Variants in RAB36 observed in about 807,000 individuals in gnomAD.
RAB36 encodes ras-related protein Rab-36.
A neutral mutation model predicts 39.3 loss-of-function variants in RAB36; 33 were observed. That is an observed-to-expected ratio of 0.84 (90% CI 0.64 to 1.12). The LOEUF is 1.12. RAB36 is among the 50% of genes most tolerant of loss of function. The probability of loss-of-function intolerance (pLI) is 0.00; values close to 1 mark genes in which losing one functional copy is unlikely to be tolerated. For synonymous variants in RAB36, 133 were observed against 140.2 expected, an observed-to-expected ratio of 0.95 and a Z score of 0.36; for missense variants, 308 against 355.3, an observed-to-expected ratio of 0.87 and a Z score of 1.07.
At chr22:23,159,537 C>T (rs986666550) in intron 9 of RAB36, among the ~76,000 whole-genome samples, 3 of 152,226 alleles carry the variant, frequency 2.0e-5, no homozygotes, top group South Asian at 2.1e-4. Flanking sequence ...TCTCCATAAC[C>T]GGAGAACCCC....
In RAB36 at chr22:23,161,644, C is replaced by A; in HGVS notation, c.*80C>A. The stretch of plus-strand genomic sequence containing the variant: ...CGTGACTGTGGTGTGGAGACTGGAG[C>A]CCAAGCTCTGCAGCGTGTCGCCCTC... On this transcript the variant is annotated 3_prime_UTR_variant, in exon 11 of 11. Transcript: ENST00000263116. The A allele has an allele frequency of 1.6e-6, 2 of 1,259,206 alleles. No homozygotes were observed. The highest frequency in any genetic ancestry group is 1.3e-5 in the South Asian group (1 of 74,818). 78.0% of individuals were successfully genotyped at this position (1,259,206 alleles called of 1,614,324 possible). A position where few individuals can be genotyped will look rare whatever the true frequency, so the allele number is the denominator to read the frequency against.
In RAB36 at chr22:23,155,948, CT is replaced by C; in HGVS notation, c.330-17del. 1 of 1,601,010 alleles carries C rather than the reference CT, an allele frequency of 6.2e-7. No individual in the cohort carries two copies. The highest frequency in any genetic ancestry group is 8.5e-7 in the Non-Finnish European group (1 of 1,173,738). ...GTGTAGCCTGACACCATTTCCCTTTCTTTCTCACCCACCTCACAGCTGGGAC... is the reference window on the plus strand; with the variant it reads ...GTGTAGCCTGACACCATTTCCCTTTCTTCTCACCCACCTCACAGCTGGGAC... On this transcript the variant is annotated intron_variant, in intron 5 of 10. Coordinates refer to ENST00000263116, the MANE Select transcript of RAB36 (RefSeq NM_004914.5).
At position 23,158,050 on chromosome 22, in the gene RAB36, C is replaced by G. The variant is rs1443279486; in HGVS notation, c.446+7C>G. 1 of 1,614,104 alleles carries G rather than the reference C, an allele frequency of 6.2e-7. No individual in the cohort carries two copies. The highest frequency in any genetic ancestry group is 8.5e-7 in the Non-Finnish European group (1 of 1,179,958). Reference sequence around the variant, plus strand: ...AGACCCTGGAGCATACCAGGTAAGTCTGGGCTCTCTGGCCCCTGCAGTCTC... The same window carrying G: ...AGACCCTGGAGCATACCAGGTAAGTGTGGGCTCTCTGGCCCCTGCAGTCTC... On this transcript the variant is annotated splice_region_variant and intron_variant, in intron 7 of 10. Coordinates refer to ENST00000263116, the MANE Select transcript of RAB36 (RefSeq NM_004914.5).
chr22:23,160,299 C>T (rs889207621), intron 9 of RAB36, among the ~76,000 whole-genome samples: 1 of 152,182 alleles, frequency 6.6e-6, no homozygotes, highest in Non-Finnish European at 1.5e-5. Flanking sequence ...AGTTCACCGA[C>T]AGCTCACTAT....
At chr22:23,152,577 C>A in intron 4 of RAB36, 51 bp downstream of exon 4, 1 of 1,559,710 alleles carries the variant, frequency 6.4e-7, no homozygotes, top group South Asian at 1.1e-5. Context: ...ACCAGGTTGT[C>A]ATACCTTTGC....
rs1261394645 is a variant in RAB36 at position 23,162,403 on chromosome 22, TC to T, written c.*841del. The T allele has an allele frequency of 2.9e-6, 1 of 348,432 alleles. No homozygotes were observed. Among genetic ancestry groups the T allele is most frequent in the East Asian group, 7.5e-5 (1 of 13,276 alleles). The allele number at this position is 348,432 out of a possible 1,614,324, so 21.6% of individuals were successfully genotyped here. A position where few individuals can be genotyped will look rare whatever the true frequency, so the allele number is the denominator to read the frequency against. ...GCAGCCCTTGAACATGGCACTGCCC[TC>T]CTCTGGCACTCATGCTGGGCCTGTG... On this transcript the variant is annotated 3_prime_UTR_variant, in exon 11 of 11. Coordinates refer to ENST00000263116, the MANE Select transcript of RAB36 (RefSeq NM_004914.5).
chr22:23,161,040 G>A (rs1270816770), intron 10 of RAB36, 42 bp downstream of exon 10: 3 of 1,558,516 alleles, frequency 1.9e-6, no homozygotes, highest in Non-Finnish European at 1.7e-6. Context: ...GAGTAGGCTG[G>A]AGGCCTAAAA....
Position 23,162,847 on chromosome 22 carries a change from G to A in RAB36, c.*1283G>A. 2.4e-6 allele frequency: 1 copy of A among 422,164 alleles called. No individual in the cohort carries two copies. Among genetic ancestry groups the A allele is most frequent in the Admixed American group, 2.5e-5 (1 of 40,476 alleles). The allele number at this position is 422,164 out of a possible 1,614,324, so 26.2% of individuals were successfully genotyped here. A position where few individuals can be genotyped will look rare whatever the true frequency, so the allele number is the denominator to read the frequency against. The stretch of plus-strand genomic sequence containing the variant: ...CGATTGCCAAATACCAGTTAGGGAA[G>A]AACACTGGCATCTTTTTCTATTCAT... On this transcript the variant is annotated 3_prime_UTR_variant, in exon 11 of 11. Transcript: ENST00000263116.
chr22:23,145,856 T>C (rs2070740641), intron 1 of RAB36: 1 of 504,598 alleles, frequency 2.0e-6, no homozygotes, highest in Middle Eastern at 9.8e-4. Context: ...TTGAGGAGGC[T>C]CGAGGAGTCA....
At position 23,161,656 on chromosome 22, in the gene RAB36, A is replaced by C; in HGVS notation, c.*92A>C. ...GTGGAGACTGGAGCCCAAGCTCTGC[A>C]GCGTGTCGCCCTCAAGCTGTAGGCC... is the stretch of plus-strand genomic sequence containing the variant. On this transcript the variant is annotated 3_prime_UTR_variant, in exon 11 of 11. Transcript: ENST00000263116. The C allele has an allele frequency of 8.6e-7, 1 of 1,161,804 alleles. No homozygotes were observed. Among genetic ancestry groups the C allele is most frequent in the Admixed American group, 2.1e-5 (1 of 48,070 alleles). The allele number at this position is 1,161,804 out of a possible 1,614,324, so 72.0% of individuals were successfully genotyped here. A position where few individuals can be genotyped will look rare whatever the true frequency, so the allele number is the denominator to read the frequency against.
chr22:23,159,513 C>T (rs1014999200), intron 9 of RAB36, among the ~76,000 whole-genome samples: 18 of 152,370 alleles, frequency 1.2e-4, no homozygotes, highest in South Asian at 1.0e-3. Flanking sequence ...CTGTGTCATG[C>T]CGTGCTGGCC....
Position 23,164,484 on chromosome 22 carries a change from C to G in RAB36, c.*2920C>G, listed in dbSNP as rs1409488958. ...AAGGGGCTCAGTTGTCCCCCCACCCCAAGTTGATGCAGCATCTTCTCGGTC... is the reference window on the plus strand; with the variant it reads ...AAGGGGCTCAGTTGTCCCCCCACCCGAAGTTGATGCAGCATCTTCTCGGTC... On this transcript the variant is annotated 3_prime_UTR_variant, in exon 11 of 11. Coordinates refer to ENST00000263116, the MANE Select transcript of RAB36 (RefSeq NM_004914.5). The G allele has an allele frequency of 6.6e-6, 1 of 152,224 alleles. No individual in the cohort carries two copies. Among genetic ancestry groups the G allele is most frequent in the Non-Finnish European group, 1.5e-5 (1 of 68,050 alleles). The allele number at this position is 152,224 out of a possible 1,614,324, so 9.4% of individuals were successfully genotyped here. A position where few individuals can be genotyped will look rare whatever the true frequency, so the allele number is the denominator to read the frequency against.
At chr22:23,167,973 AGTT>A (rs1414106028), downstream of RAB36, among the ~76,000 whole-genome samples, 1 of 151,954 alleles carries the variant, frequency 6.6e-6, no homozygotes, top group Non-Finnish European at 1.5e-5. Context: ...CAGCCTCCCA[AGTT>A]GTTGGGACTA....
rs762898207 is a variant in RAB36, at chr22:23,159,185, C to T, written c.551C>T (p.Ala184Val). 13 of 1,611,078 alleles carry T rather than the reference C, an allele frequency of 8.1e-6. No homozygotes were observed. The highest frequency in any genetic ancestry group is 9.3e-6 in the Non-Finnish European group (11 of 1,179,024). The part of the protein sequence containing the change: ...DLLSGAACEQ[A>V]EADAVHLARE... ...CAGTCAGGGGCCGCATGTGAGCAGGCCGAAGCAGACGCTGTGCACCTGGCC... is the reference window on the plus strand; with the variant it reads ...CAGTCAGGGGCCGCATGTGAGCAGGTCGAAGCAGACGCTGTGCACCTGGCC... Residue 184 changes from alanine (A) to valine (V), a missense_variant, in exon 9 of 11, where the codon GCC becomes GTC. Transcript: ENST00000263116.
chr22:23,152,992 CTG>C, intron 4 of RAB36, 39 bp from the exon 5 acceptor site: 1 of 1,426,504 alleles, frequency 7.0e-7, no homozygotes, highest in Non-Finnish European at 9.9e-7. Flanking sequence ...GGGCACATTT[CTG>C]TGAGTACACC....
intron 6 of RAB36, among the ~76,000 whole-genome samples, chr22:23,157,626 G>A (rs539754364): frequency 6.6e-5 from 10 of 152,310 alleles, no homozygotes; most frequent in East Asian, 1.9e-4. Context: ...TACAGGTCTC[G>A]TCCTCGCCAT....
chr22:23,150,251 G>A (rs1293506208), intron 3 of RAB36, 97 bp downstream of exon 3: 2 of 992,980 alleles, frequency 2.0e-6, no homozygotes, highest in Non-Finnish European at 3.1e-6. Context: ...CACACACGAG[G>A]CTGGTGCAGC....
In RAB36 at chr22:23,152,514, G is replaced by T; in HGVS notation, c.215G>T (p.Ser72Ile). Residue 72 changes from serine (S) to isoleucine (I), a missense_variant, in exon 4 of 11, where the codon AGC (serine) becomes ATC (isoleucine). Transcript: ENST00000263116. ...GGCGATCTCTACGTGGGGAAGACCA[G>T]CCTCATCCACAGGTACAAGGCTTCC... Reference protein sequence around the residue: ...VVGDLYVGKTSLIHRFCKNVF... With the variant: ...VVGDLYVGKTILIHRFCKNVF... 7 of 1,614,162 alleles carry T rather than the reference G, an allele frequency of 4.3e-6. No homozygotes were observed. The highest frequency in any genetic ancestry group is 5.9e-6 in the Non-Finnish European group (7 of 1,180,006).
Position 23,146,654 on chromosome 22 carries a change from G to C in RAB36, c.38G>C (p.Ser13Thr), listed in dbSNP as rs867580501. ...CTGACACCTTTGGGGCCCCCTGTGA[G>C]CCGCGACCGTGTCATCGCCAGCTTC... Reference protein sequence around the residue: ...SSLTPLGPPVSRDRVIASFPK... With the variant: ...SSLTPLGPPVTRDRVIASFPK... Residue 13 changes from serine (S) to threonine (T), a missense_variant, in exon 2 of 11, where the codon AGC becomes ACC. Transcript: ENST00000263116. 5 of 1,614,096 alleles carry C rather than the reference G, an allele frequency of 3.1e-6. No individual in the cohort carries two copies. The African/African-American group carries it at 5.3e-5, about 17-fold the overall frequency.
Sources: allele counts gnomAD v4.1 joint callset (sites outside exome capture counted in the v4.1 genomes callset), GRCh38; gene constraint gnomAD v4.1.1; transcripts MANE v1.5; gene names NCBI Gene and HGNC (gene_info 2026-07-23, HGNC 2026-07-21).